Variants in TNXB observed in about 807,000 individuals in gnomAD.
TNXB encodes tenascin-X.
In TNXB, 183 loss-of-function variants were observed where a neutral mutation model predicts 340.5. The ratio of observed to expected loss-of-function variants is 0.54; its 90% CI spans 0.48 to 0.61. The LOEUF is 0.61. TNXB is among the 20% of genes least tolerant of loss of function. TNXB has a pLI of 0.00. For missense variants in TNXB, 4,613 were observed against 5,446.4 expected, an observed-to-expected ratio of 0.85 and a Z score of 4.82; for synonymous variants, 2,121 against 2,314.5, an observed-to-expected ratio of 0.92 and a Z score of 2.40.
rs758166373 is a variant in TNXB at position 32,082,097 on chromosome 6, G to C, written c.3675C>G (p.Phe1225Leu). 3 of 1,610,714 alleles carry C rather than the reference G, an allele frequency of 1.9e-6. No homozygotes were observed. In the South Asian group the frequency reaches 3.3e-5, roughly 18 times the overall value. ...TCTTGTTCGCAATTCCAAACAGAGT[G>C]AATCTGTACTTGTGGTCAGGGTCCA... ...SSLDPDHKYR[F>L]TLFGIANKKR... The change falls in exon 9 of 44, where the codon TTC becomes TTG. Residue 1225 changes from phenylalanine (F) to leucine (L), a missense_variant. Phe to Leu is a conservative substitution (Grantham distance 22). Coordinates refer to ENST00000644971, the MANE Select transcript of TNXB (RefSeq NM_001365276.2). The surrounding 1 kb of genome is among the most constrained non-coding windows in gnomAD (Gnocchi z 5.0).
chr6:32,074,186 T>TTGTG lies in TNXB; in HGVS notation c.4376-238_4376-235dup, dbSNP rs1285495148. On this transcript the variant is annotated intron_variant, in intron 11 of 43. Coordinates refer to ENST00000644971, the MANE Select transcript of TNXB (RefSeq NM_001365276.2). The surrounding 1 kb of genome is among the most constrained non-coding windows in gnomAD (Gnocchi z 5.5). Reference sequence around the variant, plus strand: ...CGTGCGCCACCATGCCTGCCTAATTTTGTGTGTGTGTGTATTTTTAGTGGA... The same window carrying TTGTG: ...CGTGCGCCACCATGCCTGCCTAATTTTGTGTGTGTGTGTGTGTATTTTTAGTGGA... 6.6e-6 allele frequency among the ~76,000 whole-genome samples: 1 copy of TTGTG among 151,756 alleles called. No homozygotes were observed. Among genetic ancestry groups the TTGTG allele is most frequent in the African/African-American group, 2.4e-5 (1 of 41,332 alleles).
chr6:32,069,976 G>T lies in TNXB; in HGVS notation c.5279-115C>A. 4 of 1,371,990 alleles carry T rather than the reference G, an allele frequency of 2.9e-6. No homozygotes were observed. Among genetic ancestry groups the T allele is most frequent in the Non-Finnish European group, 3.9e-6 (4 of 1,031,664 alleles). The allele number at this position is 1,371,990 out of a possible 1,614,324, so 85.0% of individuals were successfully genotyped here. A position where few individuals can be genotyped will look rare whatever the true frequency, so the allele number is the denominator to read the frequency against. ...GGCTTTGCGTGGCTGAGTCCTGCCG[G>T]GCTGTGCTAGGGGCTTGTGCAGGGA... On this transcript the variant is annotated intron_variant, in intron 14 of 43. Transcript: ENST00000644971. This position sits in a 1 kb window ranked among gnomAD's most constrained non-coding sequence, Gnocchi z 6.2.
At position 32,067,943 on chromosome 6, in the gene TNXB, C is replaced by T; in HGVS notation, c.6262G>A (p.Glu2088Lys). Residue 2088 changes from glutamate to lysine, a missense_variant, in exon 18 of 44, where the codon GAG (glutamate) becomes AAG (lysine). By Grantham distance (56) the Glu-to-Lys change is moderately conservative. Coordinates refer to ENST00000644971, the MANE Select transcript of TNXB (RefSeq NM_001365276.2). This position sits in a 1 kb window ranked among gnomAD's most constrained non-coding sequence, Gnocchi z 4.2. ...ETPSPTEPSM[E>K]APEPAEEPLL... ...GGCTCCTCAGCGGGCTCCGGGGCCT[C>T]CATGCTGGGTTCTGTGGGGCTGGGG... 3.1e-6 allele frequency: 5 copies of T among 1,612,478 alleles called. No homozygotes were observed. Among genetic ancestry groups the T allele is most frequent in the Non-Finnish European group, 4.2e-6 (5 of 1,179,850 alleles).
intron 22 of TNXB, among the ~76,000 whole-genome samples, chr6:32,057,212 G>T (rs1009986168): frequency 2.6e-5 from 4 of 152,006 alleles, no homozygotes; most frequent in Non-Finnish European, 5.9e-5. Context: ...CCAGCACTGG[G>T]GTCTCTTCGC....
chr6:32,069,481 T>C lies in TNXB; in HGVS notation c.5587+72A>G, dbSNP rs1380628791. 2 of 1,464,450 alleles carry C rather than the reference T, an allele frequency of 1.4e-6. No homozygotes were observed. Among genetic ancestry groups the C allele is most frequent in the African/African-American group, 2.8e-5 (2 of 70,700 alleles). The allele number at this position is 1,464,450 out of a possible 1,614,324, so 90.7% of individuals were successfully genotyped here. On this transcript the variant is annotated intron_variant, in intron 15 of 43. Transcript: ENST00000644971. This position sits in a 1 kb window ranked among gnomAD's most constrained non-coding sequence, Gnocchi z 6.2. ...TGATATAAAATGGGAAGCTCAGAGATCTTATGGCTCAGTCAGACCAGGAGA... is the reference window on the plus strand; with the variant it reads ...TGATATAAAATGGGAAGCTCAGAGACCTTATGGCTCAGTCAGACCAGGAGA...
intron 6 of TNXB, among the ~76,000 whole-genome samples, chr6:32,088,287 G>T (rs1429011487): frequency 6.6e-6 from 1 of 152,190 alleles, no homozygotes; most frequent in Non-Finnish European, 1.5e-5. Flanking sequence ...ACAGCGAGGT[G>T]GGTGTCCCCC....
In TNXB at chr6:32,089,481, G is replaced by A; in HGVS notation, c.2359-102C>T. The A allele has an allele frequency of 7.0e-7, 1 of 1,424,222 alleles. No individual in the cohort carries two copies. The highest frequency in any genetic ancestry group is 1.4e-5 in the South Asian group (1 of 70,736). The allele number at this position is 1,424,222 out of a possible 1,614,324, so 88.2% of individuals were successfully genotyped here. On this transcript the variant is annotated intron_variant, in intron 4 of 43. Transcript: ENST00000644971. This position sits in a 1 kb window ranked among gnomAD's most constrained non-coding sequence, Gnocchi z 6.2. ...CTCCAATTCTAAACAGTGTCAGCAT[G>A]GTACTGTGTGGAACTTGACCCTGTA...
chr6:32,053,358 C>T (rs1243868348), intron 25 of TNXB, 30 bp downstream of exon 25: 1 of 1,603,304 alleles, frequency 6.2e-7, no homozygotes, highest in Non-Finnish European at 8.5e-7. Flanking sequence ...TCCCACAGGC[C>T]CCACTCTGGG....
At position 32,081,322 on chromosome 6, in the gene TNXB, C is replaced by CA. The variant is rs1779410720; in HGVS notation, c.4042+45dup. The CA allele has an allele frequency of 6.7e-7, 1 of 1,495,742 alleles. No homozygotes were observed. Among genetic ancestry groups the CA allele is most frequent in the African/African-American group, 1.4e-5 (1 of 72,168 alleles). The allele number at this position is 1,495,742 out of a possible 1,614,324, so 92.7% of individuals were successfully genotyped here. On this transcript the variant is annotated intron_variant, in intron 10 of 43. Coordinates refer to ENST00000644971, the MANE Select transcript of TNXB (RefSeq NM_001365276.2). This position sits in a 1 kb window ranked among gnomAD's most constrained non-coding sequence, Gnocchi z 5.1. ...AGGAGCCCCAGCCAAGTCCCGCTCA[C>CA]AGGATGGGGCTAGCAGGGGAGGGAG... is the stretch of plus-strand genomic sequence containing the variant.
At position 32,096,392 on chromosome 6, in the gene TNXB, G is replaced by T; in HGVS notation, c.1461C>A (p.Tyr487Ter). 6.4e-7 allele frequency: 1 copy of T among 1,573,628 alleles called. No individual in the cohort carries two copies. The highest frequency in any genetic ancestry group is 8.6e-7 in the Non-Finnish European group (1 of 1,167,432). ...ESGRCMCWPG[Y>*]TGRDCGTRAC... ...CGCGCGTGCCGCAGTCCCGGCCTGT[G>T]TACCCCGGCCAACACATGCAGCGGC... is the stretch of plus-strand genomic sequence containing the variant. The change falls in exon 3 of 44, where the codon TAC becomes TAA. Residue 487 changes from tyrosine to a stop codon, truncating the protein, a stop_gained. Transcript: ENST00000644971. LOFTEE classifies it high-confidence loss of function.
rs1283973477 is a variant in TNXB at position 32,068,663 on chromosome 6, C to T, written c.5947G>A (p.Glu1983Lys). The T allele has an allele frequency of 2.5e-6, 4 of 1,613,674 alleles. No individual in the cohort carries two copies. Among genetic ancestry groups the T allele is most frequent in the Admixed American group, 3.3e-5 (2 of 59,984 alleles). Residue 1983 changes from glutamate (E) to lysine (K), a missense_variant, in exon 17 of 44, where the codon GAG becomes AAG. Physicochemically the swap from Glu to Lys is moderately conservative, Grantham distance 56. This residue lies in a region of TNXB where 4,327 missense variants were observed against 4,859.4 expected (regional missense o/e 0.89). Coordinates refer to ENST00000644971, the MANE Select transcript of TNXB (RefSeq NM_001365276.2). This position sits in a 1 kb window ranked among gnomAD's most constrained non-coding sequence, Gnocchi z 5.3. ...CCCAGGCGAGGCTTGATGGGGGGCT[C>T]GGGGGTTGCGGTGGGAGGTTCTGAA... ...KPSEPPTATPEPPIKPRLGEL... is the reference protein window; with the variant it reads ...KPSEPPTATPKPPIKPRLGEL...
Position 32,097,294 on chromosome 6 carries a change from A to G in TNXB, c.559T>C (p.Cys187Arg). Residue 187 changes from cysteine to arginine, a missense_variant, in exon 3 of 44, where the codon TGC (cysteine) becomes CGC (arginine). Cys to Arg is a radical substitution (Grantham distance 180, BLOSUM62 -3). Transcript: ENST00000644971. This position sits in a 1 kb window ranked among gnomAD's most constrained non-coding sequence, Gnocchi z 5.9. ...PSSPPSASGS[C>R]PDDCNDQGRC... Reference sequence around the variant, plus strand: ...CCCTGATCATTGCAGTCATCTGGGCAGGACCCCGAGGCTGAGGGTGGGGAA... The same window carrying G: ...CCCTGATCATTGCAGTCATCTGGGCGGGACCCCGAGGCTGAGGGTGGGGAA... 1.2e-6 allele frequency: 2 copies of G among 1,613,558 alleles called. No homozygotes were observed. The highest frequency in any genetic ancestry group is 1.7e-6 in the Non-Finnish European group (2 of 1,179,756).
chr6:32,079,307 C>G lies in TNXB; in HGVS notation c.4101G>C (p.Pro1367=), dbSNP rs560963735. ...PSPTELGTEA[P]ESPEEPLLGE... is the part of the protein sequence containing the mutation. Reference sequence around the variant, plus strand: ...CCAGGAGCGGCTCCTCGGGGGACTCCGGGGCCTCCGTGCCCAGTTCTGTGG... The same window carrying G: ...CCAGGAGCGGCTCCTCGGGGGACTCGGGGGCCTCCGTGCCCAGTTCTGTGG... Residue 1367 remains proline (P), a synonymous_variant, in exon 11 of 44, where the codon CCG becomes CCC. Coordinates refer to ENST00000644971, the MANE Select transcript of TNXB (RefSeq NM_001365276.2). The surrounding 1 kb of genome is among the most constrained non-coding windows in gnomAD (Gnocchi z 7.1). 6.2e-7 allele frequency: 1 copy of G among 1,612,750 alleles called. No individual in the cohort carries two copies. The highest frequency in any genetic ancestry group is 8.5e-7 in the Non-Finnish European group (1 of 1,179,768).
chr6:32,058,314 A>T lies in TNXB; in HGVS notation c.7569T>A (p.Pro2523=), dbSNP rs367800670. Residue 2523 remains proline, a synonymous_variant, in exon 22 of 44, where the codon CCT becomes CCA. Transcript: ENST00000644971. This position sits in a 1 kb window ranked among gnomAD's most constrained non-coding sequence, Gnocchi z 5.1. ...CTGTCACTGTCAGCTCCCCCAGGAG[A>T]GGCTCCTCGGGGGGCCCTGGGGCCT... ...GTEAPGPPEE[P]LLGELTVTGS... The T allele has an allele frequency of 6.2e-7, 1 of 1,609,862 alleles. No individual in the cohort carries two copies. Among genetic ancestry groups the T allele is most frequent in the South Asian group, 1.1e-5 (1 of 91,054 alleles).
At position 32,068,083 on chromosome 6, in the gene TNXB, G is replaced by A; in HGVS notation, c.6221-99C>T. On this transcript the variant is annotated intron_variant, in intron 17 of 43. Transcript: ENST00000644971. This position sits in a 1 kb window ranked among gnomAD's most constrained non-coding sequence, Gnocchi z 5.3. ...GACTGGGGGACCCGAGGTCAGTTCAGAGAGGCCTACTCTTGGGGCTGGGTG... is the reference window on the plus strand; with the variant it reads ...GACTGGGGGACCCGAGGTCAGTTCAAAGAGGCCTACTCTTGGGGCTGGGTG... 2 of 1,475,442 alleles carry A rather than the reference G, an allele frequency of 1.4e-6. No individual in the cohort carries two copies. The allele number at this position is 1,475,442 out of a possible 1,614,324, so 91.4% of individuals were successfully genotyped here.
At position 32,088,846 on chromosome 6, in the gene TNXB, C is replaced by A. The variant is rs1482257824; in HGVS notation, c.2718G>T (p.Val906=). Reference sequence around the variant, plus strand: ...CCCGGCCCCGCTCCGCTGTGACAGTCACCACATATTCTACGCCTGGCATCA... The same window carrying A: ...CCCGGCCCCGCTCCGCTGTGACAGTAACCACATATTCTACGCCTGGCATCA... The part of the protein sequence containing the change: ...TDLMPGVEYV[V]TVTAERGRAV... Residue 906 remains valine, a synonymous_variant, in exon 6 of 44, where the codon GTG becomes GTT. Transcript: ENST00000644971. The A allele has an allele frequency of 6.3e-7, 1 of 1,584,070 alleles. No homozygotes were observed. The highest frequency in any genetic ancestry group is 1.2e-5 in the South Asian group (1 of 86,490).
intron 4 of TNXB, among the ~76,000 whole-genome samples, chr6:32,091,354 C>T (rs946490256): frequency 3.3e-5 from 5 of 152,124 alleles, no homozygotes; most frequent in Admixed American, 2.0e-4. Flanking sequence ...AGGTGATCCA[C>T]CCACCTCAGC....
rs1200821993 is a variant in TNXB at position 32,089,564 on chromosome 6, C to T, written c.2359-185G>A. ...ACTCCTTGTGAGCCACTGTTCTAGG[C>T]GAGGTACACACATGAACTCACTTAA... On this transcript the variant is annotated intron_variant, in intron 4 of 43. Transcript: ENST00000644971. This position sits in a 1 kb window ranked among gnomAD's most constrained non-coding sequence, Gnocchi z 6.2. Among the ~76,000 whole-genome samples the T allele has an allele frequency of 2.6e-5, 4 of 152,178 alleles. No individual in the cohort carries two copies. The highest frequency in any genetic ancestry group is 1.9e-4 in the East Asian group (1 of 5,204).
At position 32,093,038 on chromosome 6, in the gene TNXB, T is replaced by C. The variant is rs4711285; in HGVS notation, c.2358+2038A>G. Among the ~76,000 whole-genome samples, 164 of 152,310 alleles carry C rather than the reference T, an allele frequency of 1.1e-3. 3 individuals are homozygous for C. The highest frequency in any genetic ancestry group is 7.8e-3 in the Admixed American group (120 of 15,302). On this transcript the variant is annotated intron_variant, in intron 4 of 43. Coordinates refer to ENST00000644971, the MANE Select transcript of TNXB (RefSeq NM_001365276.2). ...GCGGCGCCCTTGACAACACCAAGGATCGGTTTGTATTTATTTACTCAGAGC... is the reference window on the plus strand; with the variant it reads ...GCGGCGCCCTTGACAACACCAAGGACCGGTTTGTATTTATTTACTCAGAGC...
Sources: allele counts gnomAD v4.1 joint callset (sites outside exome capture counted in the v4.1 genomes callset), GRCh38; gene constraint gnomAD v4.1.1; regional missense constraint gnomAD v4.1.1; non-coding constraint Gnocchi (gnomAD v3.1); transcripts MANE v1.5; gene names NCBI Gene and HGNC (gene_info 2026-07-23, HGNC 2026-07-21).